The following BCAR3 variants were observed in gnomAD, a reference collection of about 807,000 sequenced individuals.
BCAR3 encodes BCAR3 adaptor protein, NSP family member.
Under a neutral mutation model 80.1 loss-of-function variants are expected in BCAR3, and 37 were observed. The ratio of observed to expected loss-of-function variants is 0.46; its 90% confidence interval spans 0.36 to 0.61. The LOEUF (loss-of-function observed/expected upper bound fraction) is 0.61. Ranked by LOEUF, BCAR3 falls within the 20% of genes least tolerant of loss-of-function variation. The pLI, the probability that BCAR3 is intolerant of heterozygous loss-of-function variation, is 0.00. For missense variants in BCAR3, 978 were observed against 1,068.2 expected (o/e 0.92, Z 1.18); for synonymous variants, 389 against 418.9 (o/e 0.93, Z 0.87).
intron 2 of BCAR3, among the ~76,000 whole-genome samples, chr1:93,707,729 A>G (rs980823613): frequency 1.3e-5 from 2 of 152,126 alleles, no homozygotes; most frequent in East Asian, 3.9e-4. Flanking sequence ...AATAATAATA[A>G]TAGCTCTGAC....
At chr1:93,809,406 G>A (rs1011554390) in intron 2 of BCAR3, among the ~76,000 whole-genome samples, 2 of 152,036 alleles carry the variant, frequency 1.3e-5, no homozygotes, top group Non-Finnish European at 2.9e-5. Flanking sequence ...GGGTGGTGGT[G>A]GGGGGAGTCG....
chr1:93,729,551 G>A (rs1460825318), intron 2 of BCAR3, among the ~76,000 whole-genome samples: 1 of 152,216 alleles, frequency 6.6e-6, no homozygotes, highest in East Asian at 1.9e-4. Context: ...ACTGGGCAGA[G>A]GGGAAGTTGA....
chr1:93,635,582 T>C (rs984284179), intron 3 of BCAR3, among the ~76,000 whole-genome samples: 21 of 151,732 alleles, frequency 1.4e-4, no homozygotes, highest in African/African-American at 5.1e-4. Flanking sequence ...TGGGGTGGAG[T>C]GGAAGAAGTT....
intron 2 of BCAR3, among the ~76,000 whole-genome samples, chr1:93,664,866 C>G (rs114519692): frequency 0.011 from 1,713 of 152,292 alleles, 22 homozygotes; most frequent in African/African-American, 0.036. Context: ...CTGATAAAAG[C>G]AGATGCTTTG....
intron 7 of BCAR3, among the ~76,000 whole-genome samples, chr1:93,576,435 T>C (rs1673462603): frequency 6.6e-6 from 1 of 152,208 alleles, no homozygotes; most frequent in African/African-American, 2.4e-5. Flanking sequence ...CTCTGAGCTT[T>C]TGTCTGACAC....
At chr1:93,838,205 G>C (rs781397138) in intron 2 of BCAR3, among the ~76,000 whole-genome samples, 1 of 152,218 alleles carries the variant, frequency 6.6e-6, no homozygotes, top group Non-Finnish European at 1.5e-5. Context: ...CAGTTCTGCA[G>C]GCTGAGAAGT....
At chr1:93,813,864 C>T (rs1338476250) in intron 2 of BCAR3, among the ~76,000 whole-genome samples, 1 of 152,170 alleles carries the variant, frequency 6.6e-6, no homozygotes, top group African/African-American at 2.4e-5. Context: ...TCATTTATTG[C>T]ATTTAATTGC....
At chr1:93,625,196 G>A (rs1289882137) in intron 3 of BCAR3, among the ~76,000 whole-genome samples, 1 of 152,160 alleles carries the variant, frequency 6.6e-6, no homozygotes, top group Admixed American at 6.5e-5. Flanking sequence ...GGGTGACAGA[G>A]CAAGACTCCA....
intron 2 of BCAR3, among the ~76,000 whole-genome samples, chr1:93,757,668 G>C (rs957888415): frequency 6.6e-6 from 1 of 152,156 alleles, no homozygotes; most frequent in Non-Finnish European, 1.5e-5. Flanking sequence ...CCTCCTCTGG[G>C]TCATTCATTC....
intron 3 of BCAR3, chr1:93,614,013 C>T (rs757817841): frequency 1.1e-4 from 166 of 1,524,090 alleles, no homozygotes; most frequent in Admixed American, 1.7e-4. Flanking sequence ...CCCTAGCCCA[C>T]CACAGCAGCT....
intron 2 of BCAR3, among the ~76,000 whole-genome samples, chr1:93,801,955 T>C (rs566693344): frequency 6.6e-6 from 1 of 151,996 alleles, no homozygotes; most frequent in South Asian, 2.1e-4. Context: ...CCGTCTCTAC[T>C]AAAAATACAA....
chr1:93,582,070 T>C (rs1237077032), intron 7 of BCAR3, among the ~76,000 whole-genome samples: 1 of 152,242 alleles, frequency 6.6e-6, no homozygotes, highest in Non-Finnish European at 1.5e-5. Flanking sequence ...TTTTATAAGC[T>C]TCCTGCTTGG....
chr1:93,838,856 G>A (rs1654861000), intron 2 of BCAR3, among the ~76,000 whole-genome samples: 1 of 152,102 alleles, frequency 6.6e-6, no homozygotes, highest in South Asian at 2.1e-4. Context: ...ATCATTTCAA[G>A]GAAAAAGTGG....
intron 3 of BCAR3, among the ~76,000 whole-genome samples, chr1:93,616,646 G>A (rs1190830907): frequency 3.3e-5 from 5 of 152,204 alleles, no homozygotes; most frequent in East Asian, 1.9e-4. Flanking sequence ...ACACAGCCCC[G>A]TGAAAGGGCT....
chr1:93,813,015 C>CT lies in BCAR3; in HGVS notation c.-63+32551dup, dbSNP rs1249161987. Among the ~76,000 whole-genome samples the CT allele has an allele frequency of 2.6e-5, 4 of 152,204 alleles. No individual in the cohort carries two copies. The East Asian group carries it at 7.7e-4, about 29-fold the overall frequency. ...CTCATTCAGATTCCAGCAGTCTTAC[C>CT]TTTTGGAAGGATTGCCCCAGCAAAG... On this transcript the variant is annotated intron_variant, in intron 2 of 13. Transcript: ENST00000370244.
chr1:93,641,288 C>T (rs3767990), intron 3 of BCAR3, among the ~76,000 whole-genome samples: 2,683 of 152,254 alleles, frequency 0.018, 56 homozygotes, highest in East Asian at 0.12. Flanking sequence ...GAGGAAATGG[C>T]AGAACTCTGG....
At chr1:93,711,048 A>G (rs1278047912) in intron 2 of BCAR3, among the ~76,000 whole-genome samples, 2 of 152,226 alleles carry the variant, frequency 1.3e-5, no homozygotes, top group African/African-American at 4.8e-5. Context: ...GGGTGTTCTC[A>G]GGATGTGGAA....
intron 3 of BCAR3, among the ~76,000 whole-genome samples, chr1:93,629,303 C>T (rs1047906384): frequency 2.0e-5 from 3 of 152,124 alleles, no homozygotes; most frequent in Non-Finnish European, 4.4e-5. Context: ...TCCTTCCTGC[C>T]AAGCCGAGAT....
chr1:93,825,102 G>A (rs1402926460), intron 2 of BCAR3, among the ~76,000 whole-genome samples: 1 of 134,062 alleles, frequency 7.5e-6, no homozygotes, highest in African/African-American at 2.5e-5. Context: ...TCTGGGTGAC[G>A]TATAACATTA....
Sources: allele counts gnomAD v4.1 joint callset (sites outside exome capture counted in the v4.1 genomes callset), GRCh38; gene constraint gnomAD v4.1.1; transcripts MANE v1.5; gene names NCBI Gene and HGNC (gene_info 2026-07-23, HGNC 2026-07-21).